The following PPME1 variants were observed in gnomAD, a reference collection of about 807,000 sequenced individuals.
PPME1 encodes the protein protein phosphatase methylesterase 1.
In PPME1, 17 loss-of-function variants were observed where a neutral mutation model predicts 56.9. That is an observed-to-expected ratio of 0.30 (90% confidence interval 0.20 to 0.45). PPME1 has a LOEUF of 0.45. Ranked by LOEUF, PPME1 falls within the 20% of genes least tolerant of loss-of-function variation. The pLI is 1.00. For missense variants in PPME1, 357 were observed against 483.2 expected, an observed-to-expected ratio of 0.74 and a Z score of 2.45; for synonymous variants, 122 against 156.2, an observed-to-expected ratio of 0.78 and a Z score of 1.63.
At position 74,230,151 on chromosome 11, in the gene PPME1, A is replaced by ACT. The variant is rs755644829; in HGVS notation, c.399-93_399-92dup. 104 of 1,348,082 alleles carry ACT rather than the reference A, an allele frequency of 7.7e-5. No homozygotes were observed. Among genetic ancestry groups the ACT allele is most frequent in the Non-Finnish European group, 9.2e-5 (91 of 983,896 alleles). 83.5% of individuals were successfully genotyped at this position (1,348,082 alleles called of 1,614,324 possible). A position where few individuals can be genotyped will look rare whatever the true frequency, so the allele number is the denominator to read the frequency against. On this transcript the variant is annotated intron_variant, in intron 5 of 13. Coordinates refer to ENST00000328257, the MANE Select transcript of PPME1 (RefSeq NM_016147.3). This position sits in a 1 kb window ranked among gnomAD's most constrained non-coding sequence, Gnocchi z 4.9. ...CAATAGACTTTTACAGTTTCCCAGC[A>ACT]CTGTTACACACCAAAGAAAGGAACT...
intron 9 of PPME1, among the ~76,000 whole-genome samples, chr11:74,243,783 C>CTT (rs555052806): frequency 5.0e-5 from 7 of 139,970 alleles, no homozygotes; most frequent in African/African-American, 1.0e-4. Context: ...TTCTTTCTTT[C>CTT]TTTTTTTTTT....
At chr11:74,238,960 A>C in intron 8 of PPME1, 173 bp from the exon 9 acceptor site, 1 of 628,664 alleles carries the variant, frequency 1.6e-6, no homozygotes, top group Non-Finnish European at 2.7e-6. Flanking sequence ...GAATAGTTAT[A>C]CATTGGCCAT....
chr11:74,205,923 A>C (rs556289642), intron 3 of PPME1: 6 of 152,178 alleles, frequency 3.9e-5, no homozygotes, highest in Admixed American at 1.3e-4. Context: ...CAATAAATTA[A>C]TTTTAATGTA....
At chr11:74,195,467 A>G (rs760166454) in intron 1 of PPME1, among the ~76,000 whole-genome samples, 3 of 152,136 alleles carry the variant, frequency 2.0e-5, no homozygotes, top group Non-Finnish European at 2.9e-5. Context: ...CTGCTATGCT[A>G]TATTCTATTA....
At chr11:74,196,352 G>A (rs1050529284) in intron 1 of PPME1, among the ~76,000 whole-genome samples, 1 of 152,008 alleles carries the variant, frequency 6.6e-6, no homozygotes. Flanking sequence ...AGTTTTACTC[G>A]TTTTTTACTT....
chr11:74,203,210 A>C (rs965714036), intron 1 of PPME1, among the ~76,000 whole-genome samples: 2 of 152,162 alleles, frequency 1.3e-5, no homozygotes, highest in Admixed American at 6.5e-5. Context: ...TGATATTGCC[A>C]GTTTGCCTTC....
chr11:74,213,780 C>G (rs1858544721), intron 3 of PPME1, among the ~76,000 whole-genome samples: 1 of 152,244 alleles, frequency 6.6e-6, no homozygotes, highest in African/African-American at 2.4e-5. Context: ...GGGGTGCCCC[C>G]TAATGCAGCT....
intron 1 of PPME1, among the ~76,000 whole-genome samples, chr11:74,183,515 TTA>T (rs908382867): frequency 2.5e-4 from 38 of 152,158 alleles, no homozygotes; most frequent in African/African-American, 8.9e-4. Flanking sequence ...TTTATATATA[TTA>T]TATATATGTC....
intron 3 of PPME1, among the ~76,000 whole-genome samples, chr11:74,213,820 C>T (rs1301682759): frequency 6.6e-6 from 1 of 152,240 alleles, no homozygotes; most frequent in Non-Finnish European, 1.5e-5. Context: ...ACTTAGATGA[C>T]AATACCCAAG....
At chr11:74,210,631 C>T (rs369232695) in intron 3 of PPME1, among the ~76,000 whole-genome samples, 62 of 152,250 alleles carry the variant, frequency 4.1e-4, no homozygotes, top group African/African-American at 1.4e-3. Context: ...CATCTCCCTC[C>T]CCTCTTTCTG....
intron 5 of PPME1, among the ~76,000 whole-genome samples, chr11:74,227,404 C>T (rs1858958606): frequency 6.6e-6 from 1 of 151,508 alleles, no homozygotes; most frequent in African/African-American, 2.4e-5. Flanking sequence ...AAAGGGCGAA[C>T]AAATTGGATT....
intron 3 of PPME1, among the ~76,000 whole-genome samples, chr11:74,214,688 G>A (rs77517916): frequency 0.11 from 15,002 of 139,740 alleles, 2,070 homozygotes; most frequent in African/African-American, 0.33. Flanking sequence ...ATGCTGAAGG[G>A]AAAAAAAAAA....
In PPME1 at chr11:74,230,157, A is replaced by T; in HGVS notation, c.399-88A>T. ...ACTTTTACAGTTTCCCAGCACTGTT[A>T]CACACCAAAGAAAGGAACTGGGAAA... On this transcript the variant is annotated intron_variant, in intron 5 of 13. Coordinates refer to ENST00000328257, the MANE Select transcript of PPME1 (RefSeq NM_016147.3). This position sits in a 1 kb window ranked among gnomAD's most constrained non-coding sequence, Gnocchi z 4.9. The T allele has an allele frequency of 7.1e-7, 1 of 1,415,204 alleles. No individual in the cohort carries two copies. Among genetic ancestry groups the T allele is most frequent in the Non-Finnish European group, 9.6e-7 (1 of 1,039,322 alleles). 87.7% of individuals were successfully genotyped at this position (1,415,204 alleles called of 1,614,324 possible).
chr11:74,239,342 T>G lies in PPME1; in HGVS notation c.834+86T>G, dbSNP rs1859286628. 13 of 1,515,964 alleles carry G rather than the reference T, an allele frequency of 8.6e-6. No homozygotes were observed. In the South Asian group the frequency reaches 1.5e-4, roughly 18 times the overall value. 93.9% of individuals were successfully genotyped at this position (1,515,964 alleles called of 1,614,324 possible). A position where few individuals can be genotyped will look rare whatever the true frequency, so the allele number is the denominator to read the frequency against. On this transcript the variant is annotated intron_variant, in intron 9 of 13. Transcript: ENST00000328257. Reference sequence around the variant, plus strand: ...GTGGGAAGGGGTGATAACATTGTTCTTTTTGTTTGCCATTAGGTATTTTAG... The same window carrying G: ...GTGGGAAGGGGTGATAACATTGTTCGTTTTGTTTGCCATTAGGTATTTTAG...
rs778367295 is a variant in PPME1 at position 74,251,031 on chromosome 11, C to T, written c.1074+13C>T. 4 of 1,585,012 alleles carry T rather than the reference C, an allele frequency of 2.5e-6. No individual in the cohort carries two copies. The East Asian group carries it at 6.9e-5, about 27-fold the overall frequency. ...TGCCCCTGACAAGGTGAGTCTGGTG[C>T]TCAGTGACTGTAAAAGGACAACTGT... is the stretch of plus-strand genomic sequence containing the variant. On this transcript the variant is annotated intron_variant, in intron 12 of 13. Transcript: ENST00000328257.
At chr11:74,234,209 T>G (rs1158535394) in intron 7 of PPME1, among the ~76,000 whole-genome samples, 13 of 152,134 alleles carry the variant, frequency 8.5e-5, no homozygotes, top group Admixed American at 8.5e-4. Flanking sequence ...GGGCAGAGAA[T>G]CAGTTTTGTT....
chr11:74,191,614 G>A (rs1857840576), intron 1 of PPME1, among the ~76,000 whole-genome samples: 1 of 152,220 alleles, frequency 6.6e-6, no homozygotes, highest in East Asian at 1.9e-4. Flanking sequence ...CCCAAGCCCA[G>A]GGCACTGCTG....
At chr11:74,182,390 C>CA (rs1445318014) in intron 1 of PPME1, among the ~76,000 whole-genome samples, 2 of 151,092 alleles carry the variant, frequency 1.3e-5, no homozygotes, top group African/African-American at 4.9e-5. Flanking sequence ...ACAGAGTTCT[C>CA]ACTCTGTCAC....
chr11:74,215,894 T>C (rs553503710), intron 3 of PPME1, among the ~76,000 whole-genome samples: 51 of 152,224 alleles, frequency 3.4e-4, no homozygotes, highest in African/African-American at 1.2e-3. Flanking sequence ...ACAAAAACTA[T>C]AAAAAGAGGC....
Sources: gnomAD v4.1 joint callset for allele counts (sites outside exome capture counted in the v4.1 genomes callset) on GRCh38, gnomAD v4.1.1 for gene constraint, Gnocchi (gnomAD v3.1) non-coding constraint, MANE v1.5 for transcripts, NCBI Gene and HGNC (gene_info 2026-07-23, HGNC 2026-07-21) for gene names.